Variants in PLEKHA8 observed in about 807,000 individuals in gnomAD.
The protein encoded by PLEKHA8 is pleckstrin homology domain-containing family A member 8.
PLEKHA8 carries 36 observed loss-of-function variants against 68.2 expected under a neutral mutation model. The observed-to-expected ratio is 0.53, with a 90% confidence interval of 0.40 to 0.70. PLEKHA8 has a LOEUF of 0.70. Ranked by LOEUF, PLEKHA8 falls within the 30% of genes least tolerant of loss-of-function variation. PLEKHA8 has a pLI of 0.00. For missense variants in PLEKHA8, 505 were observed against 615.4 expected (o/e 0.82, Z 1.90); for synonymous variants, 211 against 216.1 (o/e 0.98, Z 0.20).
chr7:30,119,166 C>T (rs958720009), intron 13 of PLEKHA8, among the ~76,000 whole-genome samples: 15 of 152,292 alleles, frequency 9.8e-5, no homozygotes, highest in Middle Eastern at 3.4e-3. Flanking sequence ...CACTACGGGA[C>T]CTATCCCTCA....
chr7:30,129,520 A>G (rs1562564049), downstream of PLEKHA8: 1 of 597,872 alleles, frequency 1.7e-6, no homozygotes. Flanking sequence ...TCTAATTGAT[A>G]CACCTTAAAA....
chr7:30,111,507 T>C (rs1013914538), intron 13 of PLEKHA8, among the ~76,000 whole-genome samples: 2 of 152,172 alleles, frequency 1.3e-5, no homozygotes, highest in Non-Finnish European at 2.9e-5. Context: ...TGTTGTTTCT[T>C]AGTTTTCTAT....
chr7:30,035,849 T>C (rs1181800437), intron 1 of PLEKHA8, among the ~76,000 whole-genome samples: 3 of 152,102 alleles, frequency 2.0e-5, no homozygotes, highest in Non-Finnish European at 2.9e-5. Context: ...GGTTTCACCA[T>C]GTTGGCTAGG....
intron 12 of PLEKHA8, 23 bp from the exon 13 acceptor site, chr7:30,074,039 GTGTTCCTCA>G: frequency 6.4e-7 from 1 of 1,563,544 alleles, no homozygotes; most frequent in Non-Finnish European, 8.8e-7. Flanking sequence ...TCTGATGAAA[GTGTTCCTCA>G]TGGAGTTTTT....
intron 13 of PLEKHA8, among the ~76,000 whole-genome samples, chr7:30,111,306 A>C (rs1371672842): frequency 6.6e-6 from 1 of 152,196 alleles, no homozygotes; most frequent in Non-Finnish European, 1.5e-5. Flanking sequence ...TTTGTCAAAA[A>C]TCAATTGACT....
Position 30,079,768 on chromosome 7 carries a change from G to T in PLEKHA8, c.*981G>T, listed in dbSNP as rs1389630597. The T allele has an allele frequency of 1.4e-6, 1 of 729,126 alleles. No individual in the cohort carries two copies. The highest frequency in any genetic ancestry group is 1.3e-4 in the East Asian group (1 of 7,590). The allele number at this position is 729,126 out of a possible 1,614,324, so 45.2% of individuals were successfully genotyped here. A position where few individuals can be genotyped will look rare whatever the true frequency, so the allele number is the denominator to read the frequency against. Reference sequence around the variant, plus strand: ...TGGCCTAAAGAACCAGAGTCTAGGTGGTGGGACATAGGAATCTGCATTTCA... The same window carrying T: ...TGGCCTAAAGAACCAGAGTCTAGGTTGTGGGACATAGGAATCTGCATTTCA... On this transcript the variant is annotated 3_prime_UTR_variant, in exon 14 of 14. Coordinates refer to ENST00000449726, the MANE Select transcript of PLEKHA8 (RefSeq NM_001197026.2).
At chr7:30,062,789 T>C (rs1562524339) in intron 12 of PLEKHA8, 47 bp downstream of exon 12, 15 of 1,437,276 alleles carry the variant, frequency 1.0e-5, no homozygotes, top group Non-Finnish European at 1.4e-5. Context: ...GACTGTGGAA[T>C]GGAGACCCCT....
chr7:30,106,761 C>G (rs1459855901), intron 13 of PLEKHA8, among the ~76,000 whole-genome samples: 5 of 152,158 alleles, frequency 3.3e-5, no homozygotes, highest in African/African-American at 1.2e-4. Context: ...TTTTCTGAGC[C>G]AAGTACTACG....
chr7:30,116,124 G>GTGTATACATA (rs1255314342), intron 13 of PLEKHA8: 17 of 149,324 alleles, frequency 1.1e-4, no homozygotes, highest in African/African-American at 3.9e-4. Flanking sequence ...ACGTATACAT[G>GTGTATACATA]TGTATACATA....
chr7:30,109,003 C>G (rs150045575), intron 13 of PLEKHA8, among the ~76,000 whole-genome samples: 1 of 152,310 alleles, frequency 6.6e-6, no homozygotes, highest in East Asian at 1.9e-4. Context: ...TGCAAACCCA[C>G]TGAGGGTCTG....
At chr7:30,072,595 C>T (rs1293888447) in intron 12 of PLEKHA8, among the ~76,000 whole-genome samples, 1 of 152,218 alleles carries the variant, frequency 6.6e-6, no homozygotes, top group East Asian at 1.9e-4. Context: ...CTGTGAACCA[C>T]GTTGCTTTTC....
chr7:30,056,448 G>A (rs1792940109), intron 9 of PLEKHA8, among the ~76,000 whole-genome samples: 1 of 145,590 alleles, frequency 6.9e-6, no homozygotes, highest in African/African-American at 2.5e-5. Context: ...GTATGTTATG[G>A]CTGGGCACAG....
In PLEKHA8 at chr7:30,047,895, T is replaced by A; in HGVS notation, c.377T>A (p.Leu126His). The A allele has an allele frequency of 6.2e-7, 1 of 1,608,138 alleles. No homozygotes were observed. The highest frequency in any genetic ancestry group is 8.5e-7 in the Non-Finnish European group (1 of 1,175,696). Residue 126 changes from leucine (L) to histidine (H), a missense_variant, in exon 4 of 14, where the codon CTC (leucine) becomes CAC (histidine). By Grantham distance (99) the Leu-to-His change is moderately conservative. Coordinates refer to ENST00000449726, the MANE Select transcript of PLEKHA8 (RefSeq NM_001197026.2). The stretch of plus-strand genomic sequence containing the variant: ...TCAGAACTAAGACTCTACTGTGACC[T>A]CCTTGTTCAGCAAGTAGATAAAACA... Reference protein sequence around the residue: ...KMSELRLYCDLLVQQVDKTKE... With the variant: ...KMSELRLYCDHLVQQVDKTKE...
Position 30,084,560 on chromosome 7 carries a change from CAG to C in PLEKHA8, c.*5774_*5775del, listed in dbSNP as rs915178217. The stretch of plus-strand genomic sequence containing the variant: ...TTCTCTATCTTGTGGGGAGGGGTGA[CAG>C]GGGAGGGTTTTACTTTTTTTGCAAA... On this transcript the variant is annotated 3_prime_UTR_variant, in exon 14 of 14. Coordinates refer to ENST00000449726, the MANE Select transcript of PLEKHA8 (RefSeq NM_001197026.2). The C allele has an allele frequency of 6.0e-5, 59 of 984,922 alleles. No individual in the cohort carries two copies. Among genetic ancestry groups the C allele is most frequent in the African/African-American group, 3.5e-4 (20 of 57,290 alleles). The allele number at this position is 984,922 out of a possible 1,614,324, so 61.0% of individuals were successfully genotyped here.
At chr7:30,030,698 G>C (rs1262609881) in intron 1 of PLEKHA8, among the ~76,000 whole-genome samples, 1 of 152,178 alleles carries the variant, frequency 6.6e-6, no homozygotes, top group Non-Finnish European at 1.5e-5. Context: ...GTATTTTCCA[G>C]ATATACATAG....
Position 30,116,297 on chromosome 7 carries a change from T to C in PLEKHA8, c.1363-12969T>C, listed in dbSNP as rs1269117465. 2.6e-5 allele frequency among the ~76,000 whole-genome samples: 4 copies of C among 151,922 alleles called. No individual in the cohort carries two copies. The East Asian group carries it at 7.8e-4, about 29-fold the overall frequency. On this transcript the variant is annotated intron_variant, in intron 13 of 13. Transcript: ENST00000396257. Reference sequence around the variant, plus strand: ...ATGTATGTATACATGTATGTATTCATACATGTATACATATATACATACACA... The same window carrying C: ...ATGTATGTATACATGTATGTATTCACACATGTATACATATATACATACACA...
intron 13 of PLEKHA8, among the ~76,000 whole-genome samples, chr7:30,129,092 A>G (rs1796830704): frequency 6.6e-6 from 1 of 152,248 alleles, no homozygotes; most frequent in Admixed American, 6.5e-5. Context: ...GCACCCTGCA[A>G]TAGTCATTCT....
chr7:30,053,242 AG>A (rs1792566476), intron 7 of PLEKHA8, among the ~76,000 whole-genome samples: 1 of 152,154 alleles, frequency 6.6e-6, no homozygotes, highest in South Asian at 2.1e-4. Context: ...GTTGGGCCTG[AG>A]GATGTCAGAA....
intron 1 of PLEKHA8, among the ~76,000 whole-genome samples, chr7:30,030,931 A>G (rs1790613936): frequency 6.6e-6 from 1 of 152,210 alleles, no homozygotes; most frequent in African/African-American, 2.4e-5. Context: ...GCACATACTA[A>G]CTTTAAAATA....
Sources: allele counts gnomAD v4.1 joint callset (sites outside exome capture counted in the v4.1 genomes callset), GRCh38; gene constraint gnomAD v4.1.1; transcripts MANE v1.5; gene names NCBI Gene and HGNC (gene_info 2026-07-23, HGNC 2026-07-21).